LRP1B: variants seen among roughly 807,000 people sequenced by gnomAD.
The protein encoded by LRP1B is LDL receptor related protein 1B.
A neutral mutation model predicts 556.6 loss-of-function variants in LRP1B; 217 were observed. The observed-to-expected ratio is 0.39, with a 90% confidence interval of 0.35 to 0.44. The LOEUF is 0.44. LRP1B is among the 20% of genes least tolerant of loss of function. The probability of loss-of-function intolerance (pLI) is 1.00; values close to 1 mark genes in which losing one functional copy is unlikely to be tolerated. For missense variants in LRP1B, 5,053 were observed against 5,620.8 expected, an observed-to-expected ratio of 0.90 and a Z score of 3.23; for synonymous variants, 2,047 against 1,865.8, an observed-to-expected ratio of 1.10 and a Z score of -2.50.
chr2:140,312,767 AT>A (rs1158226048), intron 83 of LRP1B, among the ~76,000 whole-genome samples: 1 of 151,892 alleles, frequency 6.6e-6, no homozygotes, highest in Non-Finnish European at 1.5e-5. Context: ...CATACATTTA[AT>A]TTTTAGTGTT....
intron 7 of LRP1B, among the ~76,000 whole-genome samples, chr2:141,081,037 T>A (rs1238329233): frequency 6.6e-6 from 1 of 152,160 alleles, no homozygotes; most frequent in Non-Finnish European, 1.5e-5. Context: ...TTTGCCATGT[T>A]TCCCAGGCCA....
intron 86 of LRP1B, among the ~76,000 whole-genome samples, chr2:140,266,427 T>C (rs140637372): frequency 4.2e-4 from 64 of 152,164 alleles, no homozygotes; most frequent in African/African-American, 1.0e-3. Flanking sequence ...TTACTTTTGT[T>C]GATTCCTGCT....
chr2:140,792,732 T>C (rs147997464), intron 32 of LRP1B, among the ~76,000 whole-genome samples: 2 of 152,194 alleles, frequency 1.3e-5, no homozygotes, highest in African/African-American at 4.8e-5. Context: ...TCTAACCAGG[T>C]ATTTCAAGTG....
Position 141,266,561 on chromosome 2 carries a change from C to G in LRP1B, c.344-11920G>C, listed in dbSNP as rs185022321. On this transcript the variant is annotated intron_variant, in intron 3 of 90. Transcript: ENST00000389484. ...AATCTGAGAGTGTACCACATCAATG[C>G]TAAGAGAATTTCTCATTTTGTGTTA... Among the ~76,000 whole-genome samples, 454 of 152,094 alleles carry G rather than the reference C, an allele frequency of 3.0e-3. 1 individual carries two copies. The highest frequency in any genetic ancestry group is 4.9e-3 in the Non-Finnish European group (333 of 67,972).
intron 2 of LRP1B, among the ~76,000 whole-genome samples, chr2:141,576,942 G>A (rs1194552568): frequency 6.6e-6 from 1 of 151,142 alleles, no homozygotes; most frequent in African/African-American, 2.4e-5. Context: ...ACAAACATAA[G>A]CCACCATGCC....
chr2:140,899,006 G>T, intron 23 of LRP1B: 1 of 354,150 alleles, frequency 2.8e-6, no homozygotes, highest in Non-Finnish European at 5.6e-6. Context: ...CTTTCACAGA[G>T]CATCTGCAGT....
intron 41 of LRP1B, among the ~76,000 whole-genome samples, chr2:140,607,768 T>C (rs187959110): frequency 8.8e-4 from 134 of 152,186 alleles, no homozygotes; most frequent in Non-Finnish European, 1.5e-3. Flanking sequence ...TGTTATCCAG[T>C]AGAAATTTTA....
chr2:141,458,493 A>G (rs1053098415), intron 3 of LRP1B, among the ~76,000 whole-genome samples: 4 of 152,232 alleles, frequency 2.6e-5, no homozygotes, highest in African/African-American at 9.6e-5. Context: ...AAATTGGTAG[A>G]AAAGCAAGAC....
intron 1 of LRP1B, among the ~76,000 whole-genome samples, chr2:141,965,786 T>C (rs901634672): frequency 8.1e-6 from 1 of 123,458 alleles, no homozygotes; most frequent in Non-Finnish European, 1.7e-5. Flanking sequence ...AATAAATAAA[T>C]AAATATGTAT....
intron 37 of LRP1B, among the ~76,000 whole-genome samples, chr2:140,704,157 G>T (rs1380055606): frequency 6.6e-6 from 1 of 152,026 alleles, no homozygotes; most frequent in Non-Finnish European, 1.5e-5. Context: ...AGCCTCGTCA[G>T]GATATTTGAA....
intron 1 of LRP1B, among the ~76,000 whole-genome samples, chr2:142,023,505 G>A (rs1227324381): frequency 4.6e-5 from 7 of 152,092 alleles, no homozygotes; most frequent in South Asian, 2.1e-4. Flanking sequence ...AGCAAAACAC[G>A]GTAAATGTGT....
At chr2:141,560,502 T>C (rs1278431075) in intron 2 of LRP1B, among the ~76,000 whole-genome samples, 2 of 151,682 alleles carry the variant, frequency 1.3e-5, no homozygotes, top group Non-Finnish European at 3.0e-5. Flanking sequence ...ATTCAACTGA[T>C]CCTTTCTCTG....
At chr2:141,463,556 TAA>T (rs1559083743) in intron 3 of LRP1B, among the ~76,000 whole-genome samples, 23 of 22,848 alleles carry the variant, frequency 1.0e-3, no homozygotes, top group African/African-American at 2.4e-3. Flanking sequence ...TAATTATATA[TAA>T]TATATATTAT....
chr2:141,891,185 G>C (rs539738448), intron 1 of LRP1B, among the ~76,000 whole-genome samples: 1 of 151,954 alleles, frequency 6.6e-6, no homozygotes, highest in African/African-American at 2.4e-5. Flanking sequence ...AAAATAGAAG[G>C]CATAACCATC....
chr2:140,712,391 T>C (rs568429716), intron 37 of LRP1B, among the ~76,000 whole-genome samples: 234 of 152,210 alleles, frequency 1.5e-3, no homozygotes, highest in Admixed American at 3.3e-3. Context: ...CTAGAATCTC[T>C]TTCTGGGATA....
At position 142,130,769 on chromosome 2, in the gene LRP1B, C is replaced by G. The variant is rs532324060; in HGVS notation, c.-40G>C. ...AAGGAAGCCTGCGCTGGAGACTGCT[C>G]GGCGGCACCTTCGGCCCGGCGGCGG... is the stretch of plus-strand genomic sequence containing the variant. On this transcript the variant is annotated 5_prime_UTR_variant, in exon 1 of 91. Coordinates refer to ENST00000389484, the MANE Select transcript of LRP1B (RefSeq NM_018557.3). 1 of 1,560,598 alleles carries G rather than the reference C, an allele frequency of 6.4e-7. No individual in the cohort carries two copies. The highest frequency in any genetic ancestry group is 8.8e-7 in the Non-Finnish European group (1 of 1,140,440).
In LRP1B at chr2:140,779,189, A is replaced by G. The variant is rs1404162710; in HGVS notation, c.5360-2951T>C. Reference sequence around the variant, plus strand: ...AATGAATATATGCATGTAACATTTCAGAACACTGTGCTTAAAAAAAATCTT... The same window carrying G: ...AATGAATATATGCATGTAACATTTCGGAACACTGTGCTTAAAAAAAATCTT... On this transcript the variant is annotated intron_variant, in intron 32 of 90. Coordinates refer to ENST00000389484, the MANE Select transcript of LRP1B (RefSeq NM_018557.3). Among the ~76,000 whole-genome samples the G allele has an allele frequency of 3.9e-5, 6 of 152,266 alleles. No individual in the cohort carries two copies. The East Asian group carries it at 9.7e-4, about 25-fold the overall frequency.
intron 1 of LRP1B, among the ~76,000 whole-genome samples, chr2:142,110,728 C>T (rs1449871834): frequency 6.6e-6 from 1 of 152,036 alleles, no homozygotes; most frequent in African/African-American, 2.4e-5. Flanking sequence ...TAAAGCCCAC[C>T]TTGGGTTCAC....
rs541206311 is a variant in LRP1B at position 141,333,354 on chromosome 2, C to T, written c.344-78713G>A. 3.3e-3 allele frequency among the ~76,000 whole-genome samples: 496 copies of T among 152,134 alleles called. 6 individuals are homozygous for T. The highest frequency in any genetic ancestry group is 0.011 in the African/African-American group (476 of 41,494). On this transcript the variant is annotated intron_variant, in intron 3 of 90. Coordinates refer to ENST00000389484, the MANE Select transcript of LRP1B (RefSeq NM_018557.3). The stretch of plus-strand genomic sequence containing the variant: ...ATCTAGGCAATCGGAGATTATGATC[C>T]CATGATTTACCATATTTCAGCTCCC...
Sources: gnomAD v4.1 joint callset for allele counts (sites outside exome capture counted in the v4.1 genomes callset) on GRCh38, gnomAD v4.1.1 for gene constraint, MANE v1.5 for transcripts, NCBI Gene and HGNC (gene_info 2026-07-23, HGNC 2026-07-21) for gene names.